SPCS2: variants seen among roughly 807,000 people sequenced by gnomAD.
SPCS2 encodes SPase 25 kDa subunit.
SPCS2 carries 3 observed loss-of-function variants against 22.3 expected under a neutral mutation model. That is an observed-to-expected ratio of 0.13 (90% CI 0.06 to 0.35). SPCS2 has a LOEUF of 0.35. SPCS2 is among the 10% of genes least tolerant of loss of function. The pLI is 1.00. For synonymous variants in SPCS2, 67 were observed against 97.2 expected, an observed-to-expected ratio of 0.69 and a Z score of 1.83; for missense variants, 169 against 280.9, an observed-to-expected ratio of 0.60 and a Z score of 2.85.
chr11:74,965,136 G>A lies in SPCS2; in HGVS notation c.198+19G>A, dbSNP rs1346082228. The A allele has an allele frequency of 2.8e-5, 42 of 1,525,074 alleles. No individual in the cohort carries two copies. The highest frequency in any genetic ancestry group is 3.1e-5 in the Non-Finnish European group (35 of 1,123,462). 94.5% of individuals were successfully genotyped at this position (1,525,074 alleles called of 1,614,324 possible). A position where few individuals can be genotyped will look rare whatever the true frequency, so the allele number is the denominator to read the frequency against. ...CAAAAAGGTACTTTCTTGAGGAGGG[G>A]TTGGTTAGTATCTATACAGCTGATG... On this transcript the variant is annotated intron_variant, in intron 2 of 4. Transcript: ENST00000263672.
rs932188762 is a variant in SPCS2, at chr11:74,977,870, G to A, written c.*827G>A. ...AGAACCTGTAGCTAAGGAACTCTTAGCTTTCCAGTGATAATAACAATAATA... is the reference window on the plus strand; with the variant it reads ...AGAACCTGTAGCTAAGGAACTCTTAACTTTCCAGTGATAATAACAATAATA... On this transcript the variant is annotated 3_prime_UTR_variant, in exon 5 of 5. Transcript: ENST00000263672. 4 of 152,114 alleles carry A rather than the reference G, an allele frequency of 2.6e-5. No homozygotes were observed. Among genetic ancestry groups the A allele is most frequent in the African/African-American group, 9.7e-5 (4 of 41,376 alleles). The allele number at this position is 152,114 out of a possible 1,614,324, so 9.4% of individuals were successfully genotyped here.
chr11:74,978,904 T>A lies in SPCS2; in HGVS notation c.*1861T>A, dbSNP rs1465440453. 1 of 151,744 alleles carries A rather than the reference T, an allele frequency of 6.6e-6. No homozygotes were observed. The highest frequency in any genetic ancestry group is 1.5e-5 in the Non-Finnish European group (1 of 67,946). 9.4% of individuals were successfully genotyped at this position (151,744 alleles called of 1,614,324 possible). On this transcript the variant is annotated 3_prime_UTR_variant, in exon 5 of 5. Coordinates refer to ENST00000263672, the MANE Select transcript of SPCS2 (RefSeq NM_014752.3). The stretch of plus-strand genomic sequence containing the variant: ...ATGCAAACATGTGTCTCCACATACA[T>A]TTTTTTTAACAAAAATTGAATTATG...
At chr11:74,963,708 T>G in intron 1 of SPCS2, 2 of 342,218 alleles carry the variant, frequency 5.8e-6, no homozygotes, top group Non-Finnish European at 1.2e-5. Flanking sequence ...CTGCCATCTC[T>G]TTATTTCTTA....
At chr11:74,973,090 C>G (rs953019075) in intron 4 of SPCS2, among the ~76,000 whole-genome samples, 1 of 152,192 alleles carries the variant, frequency 6.6e-6, no homozygotes, top group Non-Finnish European at 1.5e-5. Flanking sequence ...ACCATAACCT[C>G]TGAGGACATA....
intron 4 of SPCS2, among the ~76,000 whole-genome samples, chr11:74,973,596 A>G (rs115612484): frequency 0.011 from 1,686 of 152,108 alleles, 36 homozygotes; most frequent in African/African-American, 0.039. Flanking sequence ...TTGTCACGGC[A>G]TTTCTTCTGC....
Position 74,949,308 on chromosome 11 carries a change from G to T in SPCS2, c.23G>T (p.Gly8Val). ...AAGATGGCGGCGGCAGCTGTACAGG[G>T]CGGGAGAAGCGGTGGTAGCGGAGGC... The part of the protein sequence containing the change: MAAAAVQ[G>V]GRSGGSGGCS... Residue 8 changes from glycine (G) to valine (V), a missense_variant, in exon 1 of 5, where the codon GGC becomes GTC. Physicochemically the swap from Gly to Val is moderately radical, Grantham distance 109. Transcript: ENST00000263672. 2 of 1,550,426 alleles carry T rather than the reference G, an allele frequency of 1.3e-6. No homozygotes were observed. Among genetic ancestry groups the T allele is most frequent in the Non-Finnish European group, 1.7e-6 (2 of 1,146,626 alleles).
chr11:74,962,521 T>G (rs1411989708), intron 1 of SPCS2, among the ~76,000 whole-genome samples: 1 of 150,690 alleles, frequency 6.6e-6, no homozygotes, highest in African/African-American at 2.4e-5. Context: ...CAATTTGCAA[T>G]TAGTGTTGAG....
intron 1 of SPCS2, among the ~76,000 whole-genome samples, chr11:74,956,650 C>T (rs1399999563): frequency 1.3e-5 from 2 of 152,212 alleles, no homozygotes; most frequent in Non-Finnish European, 2.9e-5. Flanking sequence ...GTTCTCCACA[C>T]AGCAGCCAGA....
At chr11:74,954,774 G>C (rs1054184277) in intron 1 of SPCS2, among the ~76,000 whole-genome samples, 1 of 151,986 alleles carries the variant, frequency 6.6e-6, no homozygotes, top group Non-Finnish European at 1.5e-5. Context: ...TCAAGAAAGT[G>C]AAAAAAGACA....
chr11:74,958,949 T>A (rs1286265879), intron 1 of SPCS2, among the ~76,000 whole-genome samples: 4 of 152,180 alleles, frequency 2.6e-5, no homozygotes, highest in South Asian at 2.1e-4. Context: ...TTGATTGTTA[T>A]TCCCATGCTT....
intron 1 of SPCS2, among the ~76,000 whole-genome samples, chr11:74,960,644 T>G (rs1591737130): frequency 6.6e-6 from 1 of 152,180 alleles, no homozygotes; most frequent in East Asian, 1.9e-4. Context: ...TCCTTGCACT[T>G]CATGGGAAAG....
chr11:74,953,135 A>G (rs1172627554), intron 1 of SPCS2, among the ~76,000 whole-genome samples: 3 of 152,196 alleles, frequency 2.0e-5, no homozygotes, highest in East Asian at 1.9e-4. Context: ...GGGGAAAAAA[A>G]TGTTATTCTC....
intron 2 of SPCS2, 90 bp from the exon 3 acceptor site, chr11:74,965,673 T>C: frequency 1.7e-6 from 2 of 1,154,522 alleles, no homozygotes; most frequent in South Asian, 1.4e-5. Context: ...TGGTAATTCA[T>C]ATGATTCTTT....
At chr11:74,962,162 A>G (rs1426955772) in intron 1 of SPCS2, among the ~76,000 whole-genome samples, 1 of 152,182 alleles carries the variant, frequency 6.6e-6, no homozygotes, top group African/African-American at 2.4e-5. Flanking sequence ...TGTGTAAGGG[A>G]TATCATCTTG....
Position 74,977,101 on chromosome 11 carries a change from G to A in SPCS2, c.*58G>A. On this transcript the variant is annotated 3_prime_UTR_variant, in exon 5 of 5. Transcript: ENST00000263672. ...TCTTGCTGAATTAGTGGCTTGGGGG[G>A]TGGGGGAGATAAAAAGAACTTAAAA... The A allele has an allele frequency of 1.8e-6, 2 of 1,142,354 alleles. No individual in the cohort carries two copies. Among genetic ancestry groups the A allele is most frequent in the Non-Finnish European group, 2.4e-6 (2 of 827,722 alleles). The allele number at this position is 1,142,354 out of a possible 1,614,324, so 70.8% of individuals were successfully genotyped here.
chr11:74,954,397 G>A lies in SPCS2; in HGVS notation c.114+4998G>A, dbSNP rs547310327. 5.9e-5 allele frequency among the ~76,000 whole-genome samples: 9 copies of A among 152,332 alleles called. No homozygotes were observed. The East Asian group carries it at 1.7e-3, about 29-fold the overall frequency. ...CACATTGCTTCCCATACCAGAGTGT[G>A]CCTTGTGCTATCTAATGTGCTAGCT... On this transcript the variant is annotated intron_variant, in intron 1 of 4. Transcript: ENST00000263672.
Position 74,963,889 on chromosome 11 carries a change from A to G in SPCS2, c.115-1145A>G, listed in dbSNP as rs575298807. ...TGATCTAAAAAATTAAGAGTTGGCCATTAATGGTCTACAAAAAACAGGTTT... is the reference window on the plus strand; with the variant it reads ...TGATCTAAAAAATTAAGAGTTGGCCGTTAATGGTCTACAAAAAACAGGTTT... On this transcript the variant is annotated intron_variant, in intron 1 of 4. Coordinates refer to ENST00000263672, the MANE Select transcript of SPCS2 (RefSeq NM_014752.3). Among the ~76,000 whole-genome samples, 6 of 152,366 alleles carry G rather than the reference A, an allele frequency of 3.9e-5. No individual in the cohort carries two copies. The South Asian group carries it at 1.2e-3, about 32-fold the overall frequency.
rs1948541179 is a variant in SPCS2, at chr11:74,965,747, T to A, written c.199-16T>A. On this transcript the variant is annotated splice_polypyrimidine_tract_variant and intron_variant, in intron 2 of 4. Coordinates refer to ENST00000263672, the MANE Select transcript of SPCS2 (RefSeq NM_014752.3). ...GAAGTATTCCTATTAGCTTGATTCC[T>A]TGTTTTTCTCACCAGGTACTTCTGG... 1 of 1,607,994 alleles carries A rather than the reference T, an allele frequency of 6.2e-7. No individual in the cohort carries two copies. Among genetic ancestry groups the A allele is most frequent in the Non-Finnish European group, 8.5e-7 (1 of 1,175,642 alleles).
intron 2 of SPCS2, 94 bp downstream of exon 2, chr11:74,965,211 G>C (rs1948536731): frequency 2.5e-6 from 2 of 804,248 alleles, no homozygotes; most frequent in South Asian, 2.0e-5. Flanking sequence ...AGTGACCTTA[G>C]TTTTCAGTGT....
Sources: allele counts gnomAD v4.1 joint callset (sites outside exome capture counted in the v4.1 genomes callset), GRCh38; gene constraint gnomAD v4.1.1; transcripts MANE v1.5; gene names NCBI Gene and HGNC (gene_info 2026-07-23, HGNC 2026-07-21).